Variants in B3GLCT observed in about 807,000 individuals in gnomAD.
The protein encoded by B3GLCT is beta 3-glucosyltransferase, also known as beta-1,3-glucosyltransferase.
A neutral mutation model predicts 63.4 loss-of-function variants in B3GLCT; 65 were observed. The ratio of observed to expected loss-of-function variants is 1.03; its 90% confidence interval spans 0.84 to 1.26. The LOEUF is 1.26. B3GLCT is among the 50% of genes most tolerant of loss of function. B3GLCT has a pLI of 0.00. For synonymous variants in B3GLCT, 233 were observed against 219.2 expected, an observed-to-expected ratio of 1.06 and a Z score of -0.55; for missense variants, 577 against 604.8, an observed-to-expected ratio of 0.95 and a Z score of 0.48.
chr13:31,312,401 A>G (rs1342970658), intron 12 of B3GLCT: 1 of 152,240 alleles, frequency 6.6e-6, no homozygotes. Flanking sequence ...ATGTATTAGA[A>G]TGAATAAGAT....
chr13:31,292,978 A>G (rs1411959489), intron 12 of B3GLCT, among the ~76,000 whole-genome samples: 1 of 152,148 alleles, frequency 6.6e-6, no homozygotes, highest in South Asian at 2.1e-4. Flanking sequence ...ACACTGCTTT[A>G]GCTGTGTCCC....
intron 1 of B3GLCT, among the ~76,000 whole-genome samples, chr13:31,209,179 C>T (rs760642754): frequency 2.6e-5 from 4 of 152,244 alleles, no homozygotes; most frequent in Non-Finnish European, 4.4e-5. Flanking sequence ...TGCTACCCAG[C>T]TTGTCTGCTA....
intron 14 of B3GLCT, among the ~76,000 whole-genome samples, chr13:31,324,532 A>G (rs1204311508): frequency 6.6e-6 from 1 of 152,176 alleles, no homozygotes; most frequent in Non-Finnish European, 1.5e-5. Context: ...AGTATCTTTT[A>G]AGAACCAAGT....
At chr13:31,200,862 G>C (rs922563102) in intron 1 of B3GLCT, among the ~76,000 whole-genome samples, 23 of 152,116 alleles carry the variant, frequency 1.5e-4, no homozygotes, top group Non-Finnish European at 2.2e-4. Flanking sequence ...CTCCTGTCTC[G>C]GGTCTCCGCT....
intron 12 of B3GLCT, among the ~76,000 whole-genome samples, chr13:31,316,609 A>G (rs890254985): frequency 6.6e-6 from 1 of 151,074 alleles, no homozygotes; most frequent in Non-Finnish European, 1.5e-5. Flanking sequence ...TGGAACAGGA[A>G]TATTTACCCC....
chr13:31,256,126 G>A (rs1326891736), intron 6 of B3GLCT, among the ~76,000 whole-genome samples: 2 of 152,184 alleles, frequency 1.3e-5, no homozygotes, highest in African/African-American at 2.4e-5. Flanking sequence ...AGTAGGCAGA[G>A]GATGTGAACA....
chr13:31,267,458 A>G (rs957844042), intron 7 of B3GLCT, among the ~76,000 whole-genome samples: 1 of 152,268 alleles, frequency 6.6e-6, no homozygotes, highest in Non-Finnish European at 1.5e-5. Flanking sequence ...GCTCCAACTG[A>G]GCAGAATTCA....
At chr13:31,239,684 C>CTT (rs59239925) in intron 4 of B3GLCT, among the ~76,000 whole-genome samples, 6,548 of 140,746 alleles carry the variant, frequency 0.047, 165 homozygotes, top group Non-Finnish European at 0.058. Flanking sequence ...TCACCTGAGT[C>CTT]TTTTTTTTTT....
chr13:31,240,037 T>A lies in B3GLCT; in HGVS notation c.271-6986T>A, dbSNP rs118106939. 3.7e-3 allele frequency among the ~76,000 whole-genome samples: 559 copies of A among 151,736 alleles called. 1 individual carries two copies. Among genetic ancestry groups the A allele is most frequent in the Middle Eastern group, 0.014 (4 of 294 alleles). On this transcript the variant is annotated intron_variant, in intron 4 of 14. Transcript: ENST00000343307. ...TAGAAGGAATATTTGGGGAGAGGGGTAGGACAGTGTTTAGAATTAAGGCAG... is the reference window on the plus strand; with the variant it reads ...TAGAAGGAATATTTGGGGAGAGGGGAAGGACAGTGTTTAGAATTAAGGCAG...
intron 10 of B3GLCT, among the ~76,000 whole-genome samples, chr13:31,279,847 A>G (rs1043305381): frequency 6.6e-6 from 1 of 152,168 alleles, no homozygotes; most frequent in Admixed American, 6.6e-5. Context: ...CAAAGCGGCC[A>G]TTTCAGAGAC....
At chr13:31,240,484 T>C (rs1566057441) in intron 4 of B3GLCT, among the ~76,000 whole-genome samples, 2 of 151,332 alleles carry the variant, frequency 1.3e-5, no homozygotes, top group Non-Finnish European at 2.9e-5. Flanking sequence ...TTTTCTTTTT[T>C]TTTTTTTATA....
chr13:31,270,198 C>T (rs1396186118), intron 8 of B3GLCT, among the ~76,000 whole-genome samples: 2 of 152,206 alleles, frequency 1.3e-5, no homozygotes, highest in African/African-American at 4.8e-5. Flanking sequence ...GCATGCCTGA[C>T]TGCACAAAAC....
At chr13:31,241,289 C>T (rs1870928348) in intron 4 of B3GLCT, among the ~76,000 whole-genome samples, 1 of 152,218 alleles carries the variant, frequency 6.6e-6, no homozygotes, top group South Asian at 2.1e-4. Context: ...GCCTCCCTTC[C>T]AGCATGGCAT....
chr13:31,266,270 C>T lies in B3GLCT; in HGVS notation c.597-2944C>T, dbSNP rs966074155. On this transcript the variant is annotated intron_variant, in intron 7 of 14. Coordinates refer to ENST00000343307, the MANE Select transcript of B3GLCT (RefSeq NM_194318.4). The stretch of plus-strand genomic sequence containing the variant: ...GCCTTGGCCTCCCAACCTCGTGATC[C>T]GCCCACCTCAGCCTCCCAAAGTACT... Among the ~76,000 whole-genome samples the T allele has an allele frequency of 7.2e-5, 11 of 152,196 alleles. No homozygotes were observed. The East Asian group carries it at 9.7e-4, about 13-fold the overall frequency.
intron 12 of B3GLCT, among the ~76,000 whole-genome samples, chr13:31,293,812 G>A (rs975814799): frequency 6.6e-6 from 1 of 152,066 alleles, no homozygotes; most frequent in Admixed American, 6.6e-5. Context: ...TTACATTTAA[G>A]GTTAATATTG....
At chr13:31,237,353 G>GTT (rs372747180) in intron 4 of B3GLCT, among the ~76,000 whole-genome samples, 37,145 of 130,894 alleles carry the variant, frequency 0.28, 5,688 homozygotes, top group Non-Finnish European at 0.31. Context: ...GCTGGAGGCT[G>GTT]TTTTTTTTTT....
Position 31,329,684 on chromosome 13 carries a change from G to C in B3GLCT, c.*16G>C. ...GGAGTTATAAATCAGGGTGACCTGT[G>C]CGCCTAGCCTGCGCAGGGAATGAAC... On this transcript the variant is annotated 3_prime_UTR_variant, in exon 15 of 15. Coordinates refer to ENST00000343307, the MANE Select transcript of B3GLCT (RefSeq NM_194318.4). 1 of 1,613,916 alleles carries C rather than the reference G, an allele frequency of 6.2e-7. No homozygotes were observed. The highest frequency in any genetic ancestry group is 1.1e-5 in the South Asian group (1 of 91,070).
chr13:31,317,545 G>A (rs547402772), intron 12 of B3GLCT, 21 bp from the exon 13 acceptor site: 7 of 1,613,634 alleles, frequency 4.3e-6, no homozygotes, highest in South Asian at 2.2e-5. Context: ...ATCATGATTT[G>A]TGTTCCCTTT....
chr13:31,215,141 A>G (rs1403491632), intron 2 of B3GLCT, 41 bp downstream of exon 2: 7 of 1,540,168 alleles, frequency 4.5e-6, no homozygotes, highest in Non-Finnish European at 6.3e-6. Flanking sequence ...CCCTTCTAAG[A>G]TTCATTTGTA....
Sources: gnomAD v4.1 joint callset for allele counts (sites outside exome capture counted in the v4.1 genomes callset) on GRCh38, gnomAD v4.1.1 for gene constraint, MANE v1.5 for transcripts, NCBI Gene and HGNC (gene_info 2026-07-23, HGNC 2026-07-21) for gene names.